The following SNAP91 variants were observed in gnomAD, a reference collection of about 807,000 sequenced individuals.
The protein encoded by SNAP91 is clathrin coat assembly protein AP180.
SNAP91 carries 27 observed loss-of-function variants against 100.3 expected under a neutral mutation model. The observed-to-expected ratio is 0.27, with a 90% CI of 0.20 to 0.37. SNAP91 has a LOEUF of 0.37. Among genes scored for constraint, SNAP91 ranks in the 10% least tolerant of loss-of-function variants. The pLI is 1.00. For missense variants in SNAP91, 986 were observed against 1,123.7 expected (o/e 0.88, Z 1.75); for synonymous variants, 404 against 398.6 (o/e 1.01, Z -0.16).
chr6:83,633,395 G>A (rs1302037473), intron 8 of SNAP91, among the ~76,000 whole-genome samples: 2 of 152,130 alleles, frequency 1.3e-5, no homozygotes, highest in African/African-American at 4.8e-5. Flanking sequence ...TGTCAGCTGT[G>A]GTAGTATGGG....
At chr6:83,585,386 G>C (rs984742492) in intron 22 of SNAP91, among the ~76,000 whole-genome samples, 4 of 151,886 alleles carry the variant, frequency 2.6e-5, no homozygotes, top group Non-Finnish European at 5.9e-5. Context: ...ATTAGCCAGG[G>C]GGCATGATGG....
chr6:83,619,705 A>G (rs2096636504), intron 9 of SNAP91, among the ~76,000 whole-genome samples: 2 of 152,216 alleles, frequency 1.3e-5, no homozygotes, highest in Non-Finnish European at 2.9e-5. Context: ...CATCAAAAAC[A>G]TAAGATTTTT....
At chr6:83,580,888 A>C (rs1827376552) in intron 23 of SNAP91, among the ~76,000 whole-genome samples, 1 of 152,232 alleles carries the variant, frequency 6.6e-6, no homozygotes, top group Admixed American at 6.5e-5. Flanking sequence ...CTCACTGGCT[A>C]CATGACTTTA....
At chr6:83,654,257 T>C (rs184180946) in intron 7 of SNAP91, among the ~76,000 whole-genome samples, 44 of 152,310 alleles carry the variant, frequency 2.9e-4, no homozygotes, top group Admixed American at 6.5e-4. Context: ...CAGTAATCCA[T>C]GACTCCTTGT....
intron 26 of SNAP91, among the ~76,000 whole-genome samples, 179 bp downstream of exon 26, chr6:83,574,831 T>C (rs1815427933): frequency 6.6e-6 from 1 of 152,172 alleles, no homozygotes; most frequent in South Asian, 2.1e-4. Flanking sequence ...GGCTATCAAA[T>C]GTTTTCATAC....
intron 26 of SNAP91, among the ~76,000 whole-genome samples, chr6:83,566,519 T>C (rs768520888): frequency 3.9e-5 from 6 of 152,180 alleles, no homozygotes; most frequent in Non-Finnish European, 8.8e-5. Flanking sequence ...AAAAGGGCTT[T>C]ATTAGCTTTA....
At chr6:83,588,688 T>C (rs1250090775) in intron 22 of SNAP91, among the ~76,000 whole-genome samples, 1 of 152,106 alleles carries the variant, frequency 6.6e-6, no homozygotes, top group Non-Finnish European at 1.5e-5. Flanking sequence ...CTTGGCTCTG[T>C]TACTGACTTC....
chr6:83,561,248 C>T (rs574275710), intron 26 of SNAP91, among the ~76,000 whole-genome samples: 28 of 152,178 alleles, frequency 1.8e-4, no homozygotes, highest in Non-Finnish European at 3.1e-4. Context: ...TCATGCTATG[C>T]TGTGTAGGCT....
chr6:83,653,541 A>C (rs2098287901), intron 7 of SNAP91, among the ~76,000 whole-genome samples: 1 of 152,092 alleles, frequency 6.6e-6, no homozygotes, highest in Non-Finnish European at 1.5e-5. Flanking sequence ...TATCCATTGG[A>C]GCCCTTAGCC....
In SNAP91 at chr6:83,587,139, C is replaced by T. The variant is rs183111681; in HGVS notation, c.2014+4072G>A. 8.5e-5 allele frequency among the ~76,000 whole-genome samples: 13 copies of T among 152,108 alleles called. 1 individual carries two copies. Among genetic ancestry groups the T allele is most frequent in the Admixed American group, 5.2e-4 (8 of 15,278 alleles). On this transcript the variant is annotated intron_variant, in intron 22 of 29. Coordinates refer to ENST00000369694, the MANE Select transcript of SNAP91 (RefSeq NM_001242792.2). ...TACCAATTTTTAACAAAGCTTTCGC[C>T]TCAATTTTAAAATGGTTCTTAATGT...
chr6:83,670,002 G>T (rs946814595), intron 2 of SNAP91, among the ~76,000 whole-genome samples: 2 of 151,834 alleles, frequency 1.3e-5, no homozygotes, highest in Non-Finnish European at 2.9e-5. Context: ...TTTCTCTTGG[G>T]TAATTTTCTA....
At chr6:83,665,692 T>G in intron 2 of SNAP91, 111 bp from the exon 3 acceptor site, 1 of 812,520 alleles carries the variant, frequency 1.2e-6, no homozygotes, top group Non-Finnish European at 1.9e-6. Flanking sequence ...AAAAGTACTT[T>G]GATAATAGCT....
In SNAP91 at chr6:83,591,308, A is replaced by G. The variant is rs776273835; in HGVS notation, c.1931-14T>C. ...TTCCAAATGCATCTATCCGTTATCC[A>G]TTGTGCAGCGGAAAAGTAAGAAAGT... is the stretch of plus-strand genomic sequence containing the variant. On this transcript the variant is annotated splice_polypyrimidine_tract_variant and intron_variant, in intron 21 of 29. Coordinates refer to ENST00000369694, the MANE Select transcript of SNAP91 (RefSeq NM_001242792.2). 11 of 1,578,542 alleles carry G rather than the reference A, an allele frequency of 7.0e-6. No homozygotes were observed. Among genetic ancestry groups the G allele is most frequent in the South Asian group, 1.1e-5 (1 of 90,064 alleles).
chr6:83,595,784 A>G (rs184140727), intron 16 of SNAP91, among the ~76,000 whole-genome samples: 15 of 152,328 alleles, frequency 9.8e-5, no homozygotes, highest in African/African-American at 3.6e-4. Context: ...TTTACTTAGT[A>G]TATTAGGCTC....
intron 2 of SNAP91, among the ~76,000 whole-genome samples, chr6:83,666,197 A>G (rs1175403876): frequency 6.6e-6 from 1 of 152,114 alleles, no homozygotes. Context: ...AAACCTTTAT[A>G]ATACATTCAC....
At chr6:83,601,164 A>C in intron 16 of SNAP91, 107 bp downstream of exon 16, 1 of 905,556 alleles carries the variant, frequency 1.1e-6, no homozygotes, top group Non-Finnish European at 1.7e-6. Context: ...AAAAGTACTT[A>C]AACACTCTGA....
chr6:83,584,914 C>T (rs1014658333), intron 22 of SNAP91, among the ~76,000 whole-genome samples: 5 of 152,168 alleles, frequency 3.3e-5, no homozygotes, highest in African/African-American at 1.2e-4. Flanking sequence ...CCTTCCCATA[C>T]ATTTATAAAA....
chr6:83,619,467 G>T (rs2096627483), intron 9 of SNAP91, among the ~76,000 whole-genome samples: 2 of 152,166 alleles, frequency 1.3e-5, no homozygotes, highest in African/African-American at 4.8e-5. Flanking sequence ...CTCTGCTGTT[G>T]TAAAAGGAAT....
chr6:83,656,296 G>A (rs1012410902), intron 7 of SNAP91, among the ~76,000 whole-genome samples: 2 of 152,128 alleles, frequency 1.3e-5, no homozygotes, highest in Non-Finnish European at 2.9e-5. Context: ...ATCAGAGGGC[G>A]GCTAAGAGAA....
Sources: allele counts gnomAD v4.1 joint callset (sites outside exome capture counted in the v4.1 genomes callset), GRCh38; gene constraint gnomAD v4.1.1; transcripts MANE v1.5; gene names NCBI Gene and HGNC (gene_info 2026-07-23, HGNC 2026-07-21).